The following LHFPL4 variants were observed in gnomAD, a reference collection of about 807,000 sequenced individuals.
LHFPL4 encodes the protein LHFPL tetraspan subfamily member 4, also known as LHFPL tetraspan subfamily member 4 protein.
LHFPL4 carries 6 observed loss-of-function variants against 20.0 expected under a neutral mutation model. The observed-to-expected ratio is 0.30, with a 90% confidence interval of 0.16 to 0.59. LHFPL4 has a LOEUF of 0.59. Ranked by LOEUF, LHFPL4 falls within the 20% of genes least tolerant of loss-of-function variation. The pLI, the probability that LHFPL4 is intolerant of heterozygous loss-of-function variation, is 0.88. For synonymous variants in LHFPL4, 129 were observed against 143.8 expected, an observed-to-expected ratio of 0.90 and a Z score of 0.74; for missense variants, 215 against 331.2, an observed-to-expected ratio of 0.65 and a Z score of 2.72.
intron 2 of LHFPL4, among the ~76,000 whole-genome samples, chr3:9,533,418 G>GA (rs2046423229): frequency 6.6e-6 from 1 of 152,210 alleles, no homozygotes; most frequent in Admixed American, 6.5e-5. Flanking sequence ...CAACCTGGAT[G>GA]AATCTTCATG....
Position 9,552,607 on chromosome 3 carries a change from G to A in LHFPL4, c.73C>T (p.Leu25=). The A allele has an allele frequency of 1.2e-6, 2 of 1,613,914 alleles. No individual in the cohort carries two copies. Among genetic ancestry groups the A allele is most frequent in the African/African-American group, 2.7e-5 (2 of 75,042 alleles). ...YMRNSRAIGV[L]WAIFTICFAI... ...AAGCAGATGGTGAAGATGGCCCACA[G>A]CACGCCGATGGCCCGCGAGTTCCGC... is the stretch of plus-strand genomic sequence containing the variant. The change falls in exon 2 of 4, where the codon CTG becomes TTG. Residue 25 remains leucine (L), a synonymous_variant. Transcript: ENST00000287585.
intron 2 of LHFPL4, among the ~76,000 whole-genome samples, chr3:9,507,895 T>C (rs780454095): frequency 6.6e-6 from 1 of 152,250 alleles, no homozygotes. Context: ...CCACCAGCTC[T>C]GCATCACCGG....
At chr3:9,516,100 T>G (rs1331506086) in intron 2 of LHFPL4, among the ~76,000 whole-genome samples, 1 of 152,210 alleles carries the variant, frequency 6.6e-6, no homozygotes, top group Non-Finnish European at 1.5e-5. Context: ...CAGAACTTTT[T>G]AACTTTAATG....
At position 9,505,650 on chromosome 3, in the gene LHFPL4, T is replaced by C. The variant is rs373833721; in HGVS notation, c.643+317A>G. Among the ~76,000 whole-genome samples, 13 of 152,264 alleles carry C rather than the reference T, an allele frequency of 8.5e-5. No individual in the cohort carries two copies. The South Asian group carries it at 2.7e-3, about 32-fold the overall frequency. On this transcript the variant is annotated intron_variant, in intron 3 of 3. Coordinates refer to ENST00000287585, the MANE Select transcript of LHFPL4 (RefSeq NM_198560.3). Reference sequence around the variant, plus strand: ...CGTGTTAGCCAGGATGGTCTGGATCTTCTGACCTCAGGATCCACCCGCCTC... The same window carrying C: ...CGTGTTAGCCAGGATGGTCTGGATCCTCTGACCTCAGGATCCACCCGCCTC...
At chr3:9,523,544 C>A (rs1208888670) in intron 2 of LHFPL4, among the ~76,000 whole-genome samples, 1 of 151,604 alleles carries the variant, frequency 6.6e-6, no homozygotes, top group Non-Finnish European at 1.5e-5. Flanking sequence ...GCGATTTCAG[C>A]TCACTGCAAC....
At chr3:9,509,472 T>C (rs768416872) in intron 2 of LHFPL4, among the ~76,000 whole-genome samples, 1 of 152,218 alleles carries the variant, frequency 6.6e-6, no homozygotes, top group Non-Finnish European at 1.5e-5. Flanking sequence ...GCCCACTATG[T>C]GCCAGGCACT....
Position 9,506,967 on chromosome 3 carries a change from CT to C in LHFPL4, c.407-765del, listed in dbSNP as rs2046223551. On this transcript the variant is annotated intron_variant, in intron 2 of 3. Coordinates refer to ENST00000287585, the MANE Select transcript of LHFPL4 (RefSeq NM_198560.3). The surrounding 1 kb of genome is among the most constrained non-coding windows in gnomAD (Gnocchi z 4.5). Reference sequence around the variant, plus strand: ...CTTTTATTCACGATGCTAGAATATACTTTCATTCATGCAGTTGAGCACTTTG... The same window carrying C: ...CTTTTATTCACGATGCTAGAATATACTTCATTCATGCAGTTGAGCACTTTG... 2.0e-5 allele frequency among the ~76,000 whole-genome samples: 3 copies of C among 152,216 alleles called. No homozygotes were observed. The highest frequency in any genetic ancestry group is 6.5e-5 in the Admixed American group (1 of 15,286).
chr3:9,534,856 C>T (rs2046435768), intron 2 of LHFPL4, among the ~76,000 whole-genome samples: 1 of 152,090 alleles, frequency 6.6e-6, no homozygotes, highest in Non-Finnish European at 1.5e-5. Context: ...TGCCAATTTA[C>T]AGGAATTTAT....
chr3:9,506,001 G>T lies in LHFPL4; in HGVS notation c.609C>A (p.Asp203Glu), dbSNP rs750922875. 22 of 1,614,122 alleles carry T rather than the reference G, an allele frequency of 1.4e-5. No individual in the cohort carries two copies. The highest frequency in any genetic ancestry group is 1.8e-5 in the Non-Finnish European group (21 of 1,180,058). The change falls in exon 3 of 4, where the codon GAC (aspartate) becomes GAA (glutamate). Residue 203 changes from aspartate to glutamate, a missense_variant. By Grantham distance (45) the Asp-to-Glu change is conservative. Around this residue, in one of 2 missense-constraint regions of LHFPL4, gnomAD observed 164 missense variants for 286.7 expected, o/e 0.57. Coordinates refer to ENST00000287585, the MANE Select transcript of LHFPL4 (RefSeq NM_198560.3). The surrounding 1 kb of genome is among the most constrained non-coding windows in gnomAD (Gnocchi z 4.5). ...CCGGCTTGAGCTCCTCCTGCAGCAGGTCTGTTTGCCGGTTGCCCAGCACGA... is the reference window on the plus strand; with the variant it reads ...CCGGCTTGAGCTCCTCCTGCAGCAGTTCTGTTTGCCGGTTGCCCAGCACGA... ...LAFVLGNRQTDLLQEELKPEN... is the reference protein window; with the variant it reads ...LAFVLGNRQTELLQEELKPEN...
Position 9,505,368 on chromosome 3 carries a change from C to G in LHFPL4, c.643+599G>C, listed in dbSNP as rs1436490895. On this transcript the variant is annotated intron_variant, in intron 3 of 3. Transcript: ENST00000287585. The stretch of plus-strand genomic sequence containing the variant: ...ACTGCAGCCTCAACCTTCTCAGGCT[C>G]AGGTGATCCTCCCACCTCAGCCTCC... 2.0e-5 allele frequency among the ~76,000 whole-genome samples: 3 copies of G among 151,920 alleles called. No individual in the cohort carries two copies. The East Asian group carries it at 5.8e-4, about 29-fold the overall frequency.
intron 2 of LHFPL4, among the ~76,000 whole-genome samples, chr3:9,522,612 G>C: frequency 6.7e-6 from 1 of 149,254 alleles, no homozygotes; most frequent in South Asian, 2.2e-4. Context: ...ATGGTGGCGC[G>C]CGCCTGTAAT....
chr3:9,547,084 G>A (rs963446266), intron 2 of LHFPL4, among the ~76,000 whole-genome samples: 4 of 152,142 alleles, frequency 2.6e-5, no homozygotes, highest in Non-Finnish European at 5.9e-5. Context: ...AACCTCCTGA[G>A]CTCAAGTAAT....
intron 2 of LHFPL4, among the ~76,000 whole-genome samples, chr3:9,514,111 T>A (rs1027396271): frequency 1.3e-5 from 2 of 152,048 alleles, no homozygotes; most frequent in African/African-American, 4.8e-5. Flanking sequence ...TAGGGTACAG[T>A]TGTATATGTT....
chr3:9,528,584 C>T (rs557356260), intron 2 of LHFPL4, among the ~76,000 whole-genome samples: 2 of 152,216 alleles, frequency 1.3e-5, no homozygotes, highest in Admixed American at 6.5e-5. Context: ...GACATTTTGA[C>T]CTTCTCTCAT....
At chr3:9,529,004 A>C (rs941797829) in intron 2 of LHFPL4, among the ~76,000 whole-genome samples, 7 of 137,644 alleles carry the variant, frequency 5.1e-5, no homozygotes, top group South Asian at 2.4e-4. Flanking sequence ...TGCAACCTCC[A>C]CCTCCCGGGT....
intron 2 of LHFPL4, among the ~76,000 whole-genome samples, chr3:9,532,899 T>C (rs1186361900): frequency 6.6e-6 from 1 of 152,156 alleles, no homozygotes; most frequent in African/African-American, 2.4e-5. Flanking sequence ...GCCCTGCAGA[T>C]GGAAGTTCAG....
intron 2 of LHFPL4, among the ~76,000 whole-genome samples, chr3:9,525,194 T>G (rs1436519974): frequency 1.3e-5 from 2 of 152,192 alleles, no homozygotes; most frequent in Non-Finnish European, 2.9e-5. Flanking sequence ...GGGATTTTTC[T>G]TCAATATTCA....
intron 2 of LHFPL4, among the ~76,000 whole-genome samples, chr3:9,527,159 T>C (rs1299932782): frequency 1.3e-5 from 2 of 151,356 alleles, no homozygotes. Flanking sequence ...AAGATAGAAA[T>C]GAAGTTTATA....
chr3:9,544,310 T>C (rs2046498012), intron 2 of LHFPL4, among the ~76,000 whole-genome samples: 1 of 151,706 alleles, frequency 6.6e-6, no homozygotes, highest in Admixed American at 6.6e-5. Context: ...AAAAACCCTT[T>C]AACAATGAAC....
Sources: gnomAD v4.1 joint callset for allele counts (sites outside exome capture counted in the v4.1 genomes callset) on GRCh38, gnomAD v4.1.1 for gene constraint, gnomAD v4.1.1 regional missense constraint, Gnocchi (gnomAD v3.1) non-coding constraint, MANE v1.5 for transcripts, NCBI Gene and HGNC (gene_info 2026-07-23, HGNC 2026-07-21) for gene names.